Variants in STXBP5L observed in about 807,000 individuals in gnomAD.
The protein encoded by STXBP5L is syntaxin binding protein 5L.
A neutral mutation model predicts 144.5 loss-of-function variants in STXBP5L; 65 were observed. The observed-to-expected ratio is 0.45, with a 90% CI of 0.37 to 0.55. The LOEUF (loss-of-function observed/expected upper bound fraction) is 0.55, where lower values mean the gene tolerates loss of function less well. Ranked by LOEUF, STXBP5L falls within the 20% of genes least tolerant of loss-of-function variation. STXBP5L has a pLI of 0.00. For missense variants in STXBP5L, 1,298 were observed against 1,405.5 expected (o/e 0.92, Z 1.22); for synonymous variants, 505 against 469.6 (o/e 1.08, Z -0.97).
chr3:121,091,213 A>G lies in STXBP5L; in HGVS notation c.471-23712A>G, dbSNP rs529966214. Among the ~76,000 whole-genome samples the G allele has an allele frequency of 2.1e-3, 303 of 146,906 alleles. 19 individuals carry two copies. Among genetic ancestry groups the G allele is most frequent in the Non-Finnish European group, 3.3e-3 (225 of 67,700 alleles). ...TTTGGATTGGTTCCAAGTCCTTGCT[A>G]TTGTGAATAGTGCCACAATAAGCAT... On this transcript the variant is annotated intron_variant, in intron 5 of 26. Coordinates refer to ENST00000471454, the MANE Select transcript of STXBP5L (RefSeq NM_001308330.2).
In STXBP5L at chr3:121,411,570, A is replaced by T. The variant is rs184493308; in HGVS notation, c.2949-1588A>T. On this transcript the variant is annotated intron_variant, in intron 23 of 26. Transcript: ENST00000471454. ...ACATTCTGATGAATATTTTAGCAAA[A>T]TTATCTGCTACATTAGGATAAGCAT... Among the ~76,000 whole-genome samples, 6 of 152,248 alleles carry T rather than the reference A, an allele frequency of 3.9e-5. No individual in the cohort carries two copies. The East Asian group carries it at 7.7e-4, about 20-fold the overall frequency.
chr3:121,240,560 T>C, intron 14 of STXBP5L, 53 bp downstream of exon 14: 8 of 1,514,596 alleles, frequency 5.3e-6, no homozygotes, highest in Non-Finnish European at 7.3e-6. Flanking sequence ...AGATGTTTAC[T>C]GAGTCTTGAT....
intron 3 of STXBP5L, among the ~76,000 whole-genome samples, chr3:120,982,994 A>G (rs1398252447): frequency 2.6e-5 from 4 of 151,878 alleles, no homozygotes; most frequent in Non-Finnish European, 5.9e-5. Context: ...TGTGCTGTGG[A>G]CCTGCCACCA....
At chr3:121,090,515 T>C (rs1232281879) in intron 5 of STXBP5L, among the ~76,000 whole-genome samples, 2 of 152,134 alleles carry the variant, frequency 1.3e-5, no homozygotes, top group Non-Finnish European at 2.9e-5. Flanking sequence ...AGCATGAAAA[T>C]AGACTTCCAT....
chr3:120,992,446 C>A (rs529715510), intron 3 of STXBP5L, among the ~76,000 whole-genome samples: 3 of 152,034 alleles, frequency 2.0e-5, no homozygotes, highest in Non-Finnish European at 4.4e-5. Context: ...CTCTCTTGTC[C>A]TTCCCCCATG....
intron 3 of STXBP5L, among the ~76,000 whole-genome samples, chr3:120,990,285 C>G (rs1473889378): frequency 1.3e-5 from 2 of 152,132 alleles, no homozygotes; most frequent in Admixed American, 1.3e-4. Flanking sequence ...GAACTACAAA[C>G]CACTGCTCGA....
intron 5 of STXBP5L, among the ~76,000 whole-genome samples, chr3:121,091,901 G>A (rs1205062735): frequency 6.6e-6 from 1 of 152,042 alleles, no homozygotes; most frequent in Non-Finnish European, 1.5e-5. Flanking sequence ...GGATCTTTAT[G>A]GTTTTAGGTC....
At chr3:121,167,609 A>G (rs1335072190) in intron 9 of STXBP5L, among the ~76,000 whole-genome samples, 1 of 152,116 alleles carries the variant, frequency 6.6e-6, no homozygotes, top group Non-Finnish European at 1.5e-5. Context: ...AAACATCTGT[A>G]GCCAGACTGC....
chr3:121,211,023 G>T (rs7621325), intron 10 of STXBP5L, among the ~76,000 whole-genome samples: 86 of 152,086 alleles, frequency 5.7e-4, no homozygotes, highest in East Asian at 5.4e-3. Flanking sequence ...ACATTGGGCA[G>T]TATTGCCATT....
At chr3:120,939,484 G>T (rs906286933) in intron 2 of STXBP5L, among the ~76,000 whole-genome samples, 1 of 152,060 alleles carries the variant, frequency 6.6e-6, no homozygotes, top group Non-Finnish European at 1.5e-5. Flanking sequence ...ACTGGAAATT[G>T]AAGAAGTCAC....
chr3:120,970,753 G>T (rs1940153850), intron 3 of STXBP5L, among the ~76,000 whole-genome samples: 2 of 151,908 alleles, frequency 1.3e-5, no homozygotes, highest in Non-Finnish European at 1.5e-5. Flanking sequence ...TTTTTTACAT[G>T]TGCTTTCCAG....
At chr3:121,049,051 G>T (rs1373483102) in intron 5 of STXBP5L, among the ~76,000 whole-genome samples, 1 of 152,170 alleles carries the variant, frequency 6.6e-6, no homozygotes, top group Non-Finnish European at 1.5e-5. Context: ...TCCCAGAAAA[G>T]CACAGAGCTG....
chr3:121,068,352 AT>A (rs1291327205), intron 5 of STXBP5L, among the ~76,000 whole-genome samples: 1 of 152,194 alleles, frequency 6.6e-6, no homozygotes, highest in Non-Finnish European at 1.5e-5. Flanking sequence ...AATATAATTT[AT>A]TGATATAGCT....
At chr3:121,019,883 G>GA (rs1164667586) in intron 3 of STXBP5L, among the ~76,000 whole-genome samples, 1 of 152,086 alleles carries the variant, frequency 6.6e-6, no homozygotes, top group Non-Finnish European at 1.5e-5. Flanking sequence ...ACCCCCAAAA[G>GA]ATCACACTAG....
chr3:121,124,343 T>C (rs1198666164), intron 7 of STXBP5L, among the ~76,000 whole-genome samples: 1 of 151,968 alleles, frequency 6.6e-6, no homozygotes, highest in Non-Finnish European at 1.5e-5. Flanking sequence ...TCAAGCTCAA[T>C]GTGATTCTCA....
At chr3:121,007,456 G>GT (rs1944421568) in intron 3 of STXBP5L, among the ~76,000 whole-genome samples, 1 of 151,782 alleles carries the variant, frequency 6.6e-6, no homozygotes, top group African/African-American at 2.4e-5. Flanking sequence ...TGAAATTAGT[G>GT]TTTTTTTAAT....
At chr3:121,318,138 T>A (rs1379411539) in intron 19 of STXBP5L, among the ~76,000 whole-genome samples, 2 of 151,970 alleles carry the variant, frequency 1.3e-5, no homozygotes, top group Non-Finnish European at 2.9e-5. Flanking sequence ...TCTCCTTATT[T>A]TTTCCTGTAT....
At chr3:121,359,936 C>CTT (rs147927573) in intron 20 of STXBP5L, among the ~76,000 whole-genome samples, 5,242 of 120,696 alleles carry the variant, frequency 0.043, 145 homozygotes, top group Middle Eastern at 0.1. Context: ...CTTAGGATAT[C>CTT]TTTGACTATT....
At chr3:120,996,452 C>G (rs1433412437) in intron 3 of STXBP5L, among the ~76,000 whole-genome samples, 1 of 151,998 alleles carries the variant, frequency 6.6e-6, no homozygotes. Context: ...CACATAGTTA[C>G]CATTTTGAGG....
Sources: allele counts gnomAD v4.1 joint callset (sites outside exome capture counted in the v4.1 genomes callset), GRCh38; gene constraint gnomAD v4.1.1; transcripts MANE v1.5; gene names NCBI Gene and HGNC (gene_info 2026-07-23, HGNC 2026-07-21).